ZNF257: variants seen among roughly 807,000 people sequenced by gnomAD.
ZNF257 encodes bone marrow zinc finger 4.
In ZNF257, 12 loss-of-function variants were observed where a neutral mutation model predicts 11.9. The observed-to-expected ratio is 1.01, with a 90% CI of 0.65 to 1.63. The LOEUF is 1.63. Ranked by LOEUF, ZNF257 falls within the 40% of genes most tolerant of loss-of-function variation. The pLI, the probability that ZNF257 is intolerant of heterozygous loss-of-function variation, is 0.00. For synonymous variants in ZNF257, 183 were observed against 222.7 expected, an observed-to-expected ratio of 0.82 and a Z score of 1.59; for missense variants, 580 against 665.5, an observed-to-expected ratio of 0.87 and a Z score of 1.41.
intron 3 of ZNF257, among the ~76,000 whole-genome samples, chr19:22,080,876 A>G (rs938866657): frequency 1.5e-5 from 2 of 136,122 alleles, no homozygotes; most frequent in East Asian, 2.4e-4. Flanking sequence ...ATATATCTAT[A>G]TAGTTGGTTT....
At chr19:22,056,958 A>G (rs1351379607) in intron 1 of ZNF257, among the ~76,000 whole-genome samples, 2 of 152,194 alleles carry the variant, frequency 1.3e-5, no homozygotes, top group Non-Finnish European at 2.9e-5. Flanking sequence ...AGTTACATGG[A>G]TTCATAAAAG....
chr19:22,088,020 CAT>C lies in ZNF257; in HGVS notation c.272_273del (p.Ile91LysfsTer13). On this transcript the variant is annotated frameshift_variant, in exon 4 of 4. Transcript: ENST00000594947. LOFTEE classifies it low-confidence loss of function (END_TRUNC). ...CTGAAGACCTTTGCCCAGAGCGAGA[CAT>C]AAAATATTTTTTCCAAAAAGTCATA... is the stretch of plus-strand genomic sequence containing the variant. Reference protein sequence around the residue: ...IAEDLCPERDIKYFFQKVILR... With the variant: ...IAEDLCPERDXKYFFQKVILR... 1 of 1,559,062 alleles carries C rather than the reference CAT, an allele frequency of 6.4e-7. No homozygotes were observed. The highest frequency in any genetic ancestry group is 1.2e-5 in the South Asian group (1 of 82,970).
intron 3 of ZNF257, chr19:22,087,586 A>C (rs2022502869): frequency 1.6e-6 from 2 of 1,230,280 alleles, no homozygotes; most frequent in Non-Finnish European, 2.0e-6. Flanking sequence ...TAAAAGCCAG[A>C]CATAGAAATG....
At chr19:22,061,816 C>A (rs1410071720) in intron 1 of ZNF257, among the ~76,000 whole-genome samples, 1 of 151,760 alleles carries the variant, frequency 6.6e-6, no homozygotes, top group Non-Finnish European at 1.5e-5. Flanking sequence ...ACCTTCAATG[C>A]CTAATTGGTT....
At chr19:22,067,480 A>T (rs201902897) in intron 1 of ZNF257, among the ~76,000 whole-genome samples, 2 of 108,588 alleles carry the variant, frequency 1.8e-5, no homozygotes, top group Non-Finnish European at 4.0e-5. Context: ...TTTGGAAAAT[A>T]AAAAAAAACG....
At chr19:22,079,887 T>C (rs1254930629) in intron 3 of ZNF257, among the ~76,000 whole-genome samples, 1 of 152,202 alleles carries the variant, frequency 6.6e-6, no homozygotes, top group Non-Finnish European at 1.5e-5. Context: ...TTTAGTTTTA[T>C]ATACTTTTGG....
intron 1 of ZNF257, among the ~76,000 whole-genome samples, chr19:22,061,696 A>G (rs2021798540): frequency 6.6e-6 from 1 of 151,440 alleles, no homozygotes; most frequent in African/African-American, 2.4e-5. Context: ...GAGAGAAGAC[A>G]TTCTTGTCTT....
Position 22,052,560 on chromosome 19 carries a change from C to T in ZNF257, c.-73C>T, listed in dbSNP as rs184149924. On this transcript the variant is annotated 5_prime_UTR_variant, in exon 1 of 4. Transcript: ENST00000594947. ...TGTCCTCTTCTCCTAGGGGCCCAGC[C>T]TCTGTGGCCCTGTGACCTGCAGGTA... The T allele has an allele frequency of 5.1e-5, 80 of 1,558,994 alleles. No homozygotes were observed. In the East Asian group the frequency reaches 1.2e-3, roughly 24 times the overall value.
At chr19:22,086,488 GTGTA>G (rs2022478859) in intron 3 of ZNF257, among the ~76,000 whole-genome samples, 1 of 151,844 alleles carries the variant, frequency 6.6e-6, no homozygotes, top group African/African-American at 2.4e-5. Context: ...TTCTATTTTT[GTGTA>G]TGTATGTTTC....
At position 22,052,630 on chromosome 19, in the gene ZNF257, GA is replaced by G. The variant is rs772241716; in HGVS notation, c.1del. 6.2e-7 allele frequency: 1 copy of G among 1,608,000 alleles called. No individual in the cohort carries two copies. The highest frequency in any genetic ancestry group is 1.1e-5 in the South Asian group (1 of 91,014). On this transcript the variant is annotated 5_prime_UTR_variant, in exon 1 of 4. Coordinates refer to ENST00000594947, the MANE Select transcript of ZNF257 (RefSeq NM_033468.4). ...GACGCCAGGTCCTCCTGGAAGCCTA[GA>G]AATGGTGAGAGTGCTGGGTCCGACA...
At chr19:22,064,864 G>A (rs144670093) in intron 1 of ZNF257, among the ~76,000 whole-genome samples, 1,525 of 152,146 alleles carry the variant, frequency 0.01, 21 homozygotes, top group South Asian at 0.046. Flanking sequence ...GACCAGCCTG[G>A]CCAACATGGC....
At chr19:22,064,948 G>A (rs1438815652) in intron 1 of ZNF257, among the ~76,000 whole-genome samples, 3 of 151,818 alleles carry the variant, frequency 2.0e-5, no homozygotes, top group East Asian at 2.0e-4. Flanking sequence ...CAGCTGTTCC[G>A]GAGGCTGAGG....
In ZNF257 at chr19:22,089,472, G is replaced by A. The variant is rs766208631; in HGVS notation, c.*30G>A. The A allele has an allele frequency of 6.3e-7, 1 of 1,586,030 alleles. No homozygotes were observed. Among genetic ancestry groups the A allele is most frequent in the African/African-American group, 1.4e-5 (1 of 73,962 alleles). On this transcript the variant is annotated 3_prime_UTR_variant, in exon 4 of 4. Coordinates refer to ENST00000594947, the MANE Select transcript of ZNF257 (RefSeq NM_033468.4). ...GAAAAACCCTACAAATGTGAAGAATGTGTCAAAGCTTTTAACTGTTCCTCA... is the reference window on the plus strand; with the variant it reads ...GAAAAACCCTACAAATGTGAAGAATATGTCAAAGCTTTTAACTGTTCCTCA...
chr19:22,083,420 AAG>A (rs1224238460), intron 3 of ZNF257, among the ~76,000 whole-genome samples: 1 of 152,104 alleles, frequency 6.6e-6, no homozygotes, highest in African/African-American at 2.4e-5. Context: ...GCAGTGAGCC[AAG>A]ATCGCGCCAT....
intron 1 of ZNF257, 128 bp downstream of exon 1, chr19:22,052,763 C>T: frequency 5.1e-6 from 6 of 1,186,874 alleles, no homozygotes; most frequent in Non-Finnish European, 7.3e-6. Flanking sequence ...TTTTCCTTGG[C>T]CAGCTCGGCC....
In ZNF257 at chr19:22,064,368, TG is replaced by T. The variant is rs1395821148; in HGVS notation, c.4-8440del. On this transcript the variant is annotated intron_variant, in intron 1 of 3. Transcript: ENST00000594947. ...TTTGTCATTATTTTTTACTCAAGGT[TG>T]TCATTAGCTAGGACTTCAGATTCAT... 2.6e-5 allele frequency: 4 copies of T among 152,256 alleles called. No individual in the cohort carries two copies. The East Asian group carries it at 7.7e-4, about 29-fold the overall frequency. The allele number at this position is 152,256 out of a possible 1,614,324, so 9.4% of individuals were successfully genotyped here.
chr19:22,088,401 T>C lies in ZNF257; in HGVS notation c.651T>C (p.Thr217=). 1 of 1,613,906 alleles carries C rather than the reference T, an allele frequency of 6.2e-7. No homozygotes were observed. The highest frequency in any genetic ancestry group is 8.5e-7 in the Non-Finnish European group (1 of 1,179,878). The change falls in exon 4 of 4, where the codon ACT becomes ACC. Residue 217 remains threonine, a synonymous_variant. Coordinates refer to ENST00000594947, the MANE Select transcript of ZNF257 (RefSeq NM_033468.4). ...GKAFNQSSAL[T]RHKMTHTGEK... is the part of the protein sequence containing the mutation. Reference sequence around the variant, plus strand: ...CCTTTAACCAGTCCTCAGCTCTTACTCGACATAAGATGACTCATACTGGAG... The same window carrying C: ...CCTTTAACCAGTCCTCAGCTCTTACCCGACATAAGATGACTCATACTGGAG...
In ZNF257 at chr19:22,084,602, A is replaced by G. The variant is rs1439227751; in HGVS notation, c.227-3375A>G. Among the ~76,000 whole-genome samples, 8 of 152,050 alleles carry G rather than the reference A, an allele frequency of 5.3e-5. No individual in the cohort carries two copies. The South Asian group carries it at 1.0e-3, about 20-fold the overall frequency. On this transcript the variant is annotated intron_variant, in intron 3 of 3. Transcript: ENST00000594947. ...TATAAACATCTATACAATATTAATT[A>G]TTTTAACTTTTGAAAAAGAGCATGC...
At chr19:22,063,541 C>G (rs1306588582) in intron 1 of ZNF257, among the ~76,000 whole-genome samples, 1 of 152,156 alleles carries the variant, frequency 6.6e-6, no homozygotes, top group Non-Finnish European at 1.5e-5. Context: ...TGCAGCAATT[C>G]TGGTATGCTG....
Sources: allele counts gnomAD v4.1 joint callset (sites outside exome capture counted in the v4.1 genomes callset), GRCh38; gene constraint gnomAD v4.1.1; transcripts MANE v1.5; gene names NCBI Gene and HGNC (gene_info 2026-07-23, HGNC 2026-07-21).